PLA2G12A: variants seen among roughly 807,000 people sequenced by gnomAD.
PLA2G12A encodes group XIIA secretory phospholipase A2.
PLA2G12A carries 11 observed loss-of-function variants against 16.0 expected under a neutral mutation model. That is an observed-to-expected ratio of 0.69 (90% CI 0.43 to 1.13). The LOEUF (loss-of-function observed/expected upper bound fraction) is 1.13, where lower values mean the gene tolerates loss of function less well. Ranked by LOEUF, PLA2G12A falls within the 50% of genes most tolerant of loss-of-function variation. The pLI is 0.00. For synonymous variants in PLA2G12A, 77 were observed against 93.8 expected, an observed-to-expected ratio of 0.82 and a Z score of 1.03; for missense variants, 214 against 237.3, an observed-to-expected ratio of 0.90 and a Z score of 0.65.
At chr4:109,722,149 G>A (rs1722789955) in intron 1 of PLA2G12A, among the ~76,000 whole-genome samples, 2 of 152,150 alleles carry the variant, frequency 1.3e-5, no homozygotes, top group African/African-American at 4.8e-5. Context: ...TAAAGCCTAT[G>A]AAACCCTGTA....
intron 1 of PLA2G12A, among the ~76,000 whole-genome samples, chr4:109,722,743 T>C (rs1561272823): frequency 1.3e-5 from 2 of 152,232 alleles, no homozygotes; most frequent in Non-Finnish European, 2.9e-5. Flanking sequence ...ATACTATTTG[T>C]AGCACATATG....
At position 109,714,510 on chromosome 4, in the gene PLA2G12A, A is replaced by C. The variant is rs1244899179; in HGVS notation, c.452-15T>G. 1 of 1,557,800 alleles carries C rather than the reference A, an allele frequency of 6.4e-7. No individual in the cohort carries two copies. The highest frequency in any genetic ancestry group is 1.1e-5 in the South Asian group (1 of 89,904). ...TGTTTCACATGCTGCAAAACAAGAA[A>C]ATGGGATTACTGTTGGGCAACTGCA... On this transcript the variant is annotated splice_polypyrimidine_tract_variant and intron_variant, in intron 3 of 3. Coordinates refer to ENST00000243501, the MANE Select transcript of PLA2G12A (RefSeq NM_030821.5).
At chr4:109,725,408 A>C (rs1010776187) in intron 1 of PLA2G12A, among the ~76,000 whole-genome samples, 1 of 152,252 alleles carries the variant, frequency 6.6e-6, no homozygotes, top group African/African-American at 2.4e-5. Flanking sequence ...ATTTTGTTAT[A>C]GTTTTATAAA....
At chr4:109,714,957 T>G (rs923385148) in intron 3 of PLA2G12A, among the ~76,000 whole-genome samples, 7 of 150,678 alleles carry the variant, frequency 4.6e-5, no homozygotes, top group East Asian at 2.0e-4. Flanking sequence ...ACCCAGCTAT[T>G]TTTGTTTGTT....
chr4:109,718,533 G>A (rs911750179), intron 2 of PLA2G12A, 150 bp downstream of exon 2: 11 of 592,228 alleles, frequency 1.9e-5, no homozygotes, highest in Admixed American at 7.6e-5. Flanking sequence ...ACTTTTGTTA[G>A]TTTTGCCAAA....
intron 3 of PLA2G12A, among the ~76,000 whole-genome samples, chr4:109,715,261 C>T (rs1180066590): frequency 6.6e-6 from 1 of 151,954 alleles, no homozygotes; most frequent in African/African-American, 2.4e-5. Flanking sequence ...GTTTTATGTG[C>T]GGAAGAAACA....
Position 109,729,830 on chromosome 4 carries a change from C to A in PLA2G12A, c.-21G>T. 6.5e-7 allele frequency: 1 copy of A among 1,541,650 alleles called. No individual in the cohort carries two copies. Among genetic ancestry groups the A allele is most frequent in the Non-Finnish European group, 8.7e-7 (1 of 1,143,244 alleles). On this transcript the variant is annotated 5_prime_UTR_variant, in exon 1 of 4. Transcript: ENST00000243501. ...GCCATGCGCGCAGCGCCGGGCTCTA[C>A]GGGTCCCCGAGCCGCGGCGCGGGGC...
intron 1 of PLA2G12A, among the ~76,000 whole-genome samples, chr4:109,722,918 T>C (rs532603534): frequency 5.1e-4 from 78 of 152,328 alleles, no homozygotes; most frequent in African/African-American, 1.7e-3. Context: ...ATGTGATGAA[T>C]TAATGAACAG....
intron 1 of PLA2G12A, among the ~76,000 whole-genome samples, chr4:109,727,133 T>TTATTA (rs1722956953): frequency 1.3e-5 from 2 of 150,692 alleles, no homozygotes; most frequent in African/African-American, 4.9e-5. Context: ...TATTATTATT[T>TTATTA]TTGAGACAGA....
intron 1 of PLA2G12A, among the ~76,000 whole-genome samples, chr4:109,720,943 T>C (rs978284791): frequency 2.6e-5 from 4 of 152,082 alleles, no homozygotes; most frequent in East Asian, 3.9e-4. Context: ...TGGTGGCACA[T>C]GCCTGTAATC....
intron 1 of PLA2G12A, among the ~76,000 whole-genome samples, chr4:109,729,332 G>A (rs1489322888): frequency 6.7e-6 from 1 of 148,744 alleles, no homozygotes; most frequent in African/African-American, 2.5e-5. Context: ...ATTGAGGGGG[G>A]GAAAAGGTAA....
intron 3 of PLA2G12A, among the ~76,000 whole-genome samples, chr4:109,715,265 A>C (rs1207710351): frequency 2.0e-5 from 3 of 152,214 alleles, no homozygotes; most frequent in Admixed American, 2.0e-4. Context: ...TATGTGCGGA[A>C]GAAACAAAGT....
rs1486843260 is a variant in PLA2G12A at position 109,714,197 on chromosome 4, C to A, written c.*180G>T. On this transcript the variant is annotated 3_prime_UTR_variant, in exon 4 of 4. Transcript: ENST00000243501. ...ATACCTGAGAAGACAAGCGTGCCCTCCCCTCACTATCTCCCTCACTTTTTT... is the reference window on the plus strand; with the variant it reads ...ATACCTGAGAAGACAAGCGTGCCCTACCCTCACTATCTCCCTCACTTTTTT... 1.6e-6 allele frequency: 1 copy of A among 607,776 alleles called. No individual in the cohort carries two copies. Among genetic ancestry groups the A allele is most frequent in the Non-Finnish European group, 2.9e-6 (1 of 339,244 alleles). The allele number at this position is 607,776 out of a possible 1,614,324, so 37.6% of individuals were successfully genotyped here.
chr4:109,716,826 G>C (rs1301665644), intron 3 of PLA2G12A, among the ~76,000 whole-genome samples: 1 of 152,162 alleles, frequency 6.6e-6, no homozygotes, highest in African/African-American at 2.4e-5. Context: ...AAGTCTTCTA[G>C]AAATTCCTAC....
Position 109,729,670 on chromosome 4 carries a change from G to T in PLA2G12A, c.140C>A (p.Thr47Lys). The T allele has an allele frequency of 1.2e-6, 2 of 1,611,902 alleles. No individual in the cohort carries two copies. Among genetic ancestry groups the T allele is most frequent in the Non-Finnish European group, 1.7e-6 (2 of 1,179,814 alleles). ...TIRNGVHKID[T>K]YLNAALDLLG... ...GAGGTCCAAGGCGGCGTTCAGGTAC[G>T]TGTCTATCTTATGAACGCCGTTCCG... is the stretch of plus-strand genomic sequence containing the variant. The change falls in exon 1 of 4, where the codon ACG (threonine) becomes AAG (lysine). Residue 47 changes from threonine to lysine, a missense_variant. Coordinates refer to ENST00000243501, the MANE Select transcript of PLA2G12A (RefSeq NM_030821.5).
intron 1 of PLA2G12A, among the ~76,000 whole-genome samples, chr4:109,726,302 G>C (rs2126168846): frequency 6.6e-6 from 1 of 152,304 alleles, no homozygotes; most frequent in East Asian, 1.9e-4. Flanking sequence ...CCCGAAAACT[G>C]TTCTTTCCAC....
chr4:109,722,051 C>A (rs1320719533), intron 1 of PLA2G12A, among the ~76,000 whole-genome samples: 3 of 152,148 alleles, frequency 2.0e-5, no homozygotes, highest in African/African-American at 7.2e-5. Context: ...CACAAATGAT[C>A]GTATTAAAAT....
intron 1 of PLA2G12A, among the ~76,000 whole-genome samples, chr4:109,719,869 G>A (rs991325021): frequency 6.6e-6 from 1 of 152,190 alleles, no homozygotes; most frequent in Non-Finnish European, 1.5e-5. Flanking sequence ...GCTCAATGCA[G>A]GGTCGCCGCT....
Position 109,713,399 on chromosome 4 carries a change from T to C in PLA2G12A, c.*978A>G, listed in dbSNP as rs1258184087. The C allele has an allele frequency of 6.6e-6, 1 of 152,212 alleles. No individual in the cohort carries two copies. The highest frequency in any genetic ancestry group is 2.4e-5 in the African/African-American group (1 of 41,438). The allele number at this position is 152,212 out of a possible 1,614,324, so 9.4% of individuals were successfully genotyped here. ...GCCTTTTCCATCCTTTTGGCTCTAA[T>C]TAAAGGCTTTTTGAAAAGCAGTATC... On this transcript the variant is annotated 3_prime_UTR_variant, in exon 4 of 4. Transcript: ENST00000243501.
Sources: allele counts gnomAD v4.1 joint callset (sites outside exome capture counted in the v4.1 genomes callset), GRCh38; gene constraint gnomAD v4.1.1; transcripts MANE v1.5; gene names NCBI Gene and HGNC (gene_info 2026-07-23, HGNC 2026-07-21).